KCNIP1: variants seen among roughly 807,000 people sequenced by gnomAD.
KCNIP1 encodes A-type potassium channel modulatory protein KCNIP1.
In KCNIP1, 18 loss-of-function variants were observed where a neutral mutation model predicts 33.0. That is an observed-to-expected ratio of 0.55 (90% CI 0.38 to 0.81). KCNIP1 has a LOEUF of 0.81. Ranked by LOEUF, KCNIP1 falls within the 30% of genes least tolerant of loss-of-function variation. The pLI, the probability that KCNIP1 is intolerant of heterozygous loss-of-function variation, is 0.00. For synonymous variants in KCNIP1, 93 were observed against 98.3 expected (o/e 0.95, Z 0.32); for missense variants, 238 against 271.6 (o/e 0.88, Z 0.87).
intron 1 of KCNIP1, among the ~76,000 whole-genome samples, chr5:170,368,204 A>G (rs1341950771): frequency 6.6e-6 from 1 of 152,178 alleles, no homozygotes; most frequent in Non-Finnish European, 1.5e-5. Flanking sequence ...ACACTGAAAC[A>G]TTAGTTTAGG....
At chr5:170,616,665 A>G (rs1452864520) in intron 1 of KCNIP1, among the ~76,000 whole-genome samples, 1 of 152,098 alleles carries the variant, frequency 6.6e-6, no homozygotes, top group Non-Finnish European at 1.5e-5. Flanking sequence ...CATCCTCCTT[A>G]GATACTCAAT....
At chr5:170,636,105 T>C (rs541749373) in intron 1 of KCNIP1, among the ~76,000 whole-genome samples, 1 of 152,352 alleles carries the variant, frequency 6.6e-6, no homozygotes, top group African/African-American at 2.4e-5. Context: ...TGGAGTCTCA[T>C]TTTATTAATT....
chr5:170,383,937 G>A, intron 1 of KCNIP1: 1 of 1,378,992 alleles, frequency 7.3e-7, no homozygotes, highest in Non-Finnish European at 9.9e-7. Context: ...TCCCCTGGGA[G>A]CCTCTAGAGG....
intron 5 of KCNIP1, among the ~76,000 whole-genome samples, chr5:170,731,245 G>A (rs950026429): frequency 2.6e-5 from 4 of 152,254 alleles, no homozygotes; most frequent in South Asian, 4.2e-4. Context: ...CTGATATGAC[G>A]CACTGAGAAG....
intron 1 of KCNIP1, chr5:170,378,736 G>T (rs550120060): frequency 1.2e-6 from 2 of 1,613,978 alleles, no homozygotes; most frequent in African/African-American, 1.3e-5. Context: ...GACAGGTACT[G>T]GTTGCTCTTC....
At chr5:170,493,049 C>G (rs1334161649) in intron 1 of KCNIP1, among the ~76,000 whole-genome samples, 1 of 152,232 alleles carries the variant, frequency 6.6e-6, no homozygotes, top group Non-Finnish European at 1.5e-5. Context: ...CCCCCGGCCC[C>G]TTTCTATGAC....
At chr5:170,499,560 A>G (rs1581245249), upstream of KCNIP1, among the ~76,000 whole-genome samples, 1 of 152,226 alleles carries the variant, frequency 6.6e-6, no homozygotes, top group East Asian at 1.9e-4. Context: ...TTTGAACCCA[A>G]TTCTAGCAGC....
intron 1 of KCNIP1, among the ~76,000 whole-genome samples, chr5:170,430,724 G>T (rs1204869838): frequency 6.6e-6 from 1 of 152,194 alleles, no homozygotes; most frequent in Non-Finnish European, 1.5e-5. Flanking sequence ...GGAAAGAGTT[G>T]TCATGGGCAT....
In KCNIP1 at chr5:170,456,701, T is replaced by TTTCTTTCTTTCTTTCTTTC. The variant is rs1756386571; in HGVS notation, c.88+102739_88+102740insCTTTCTTTCTTTCTTTCTT. On this transcript the variant is annotated intron_variant, in intron 1 of 7. Coordinates refer to the KCNIP1 transcript ENST00000377360. ...TTTCTTTCTTTCTCTCTCTCTCTCTTTTTCTTTCTTTCTTTCTTTCTTTCT... is the reference window on the plus strand; with the variant it reads ...TTTCTTTCTTTCTCTCTCTCTCTCTTTTCTTTCTTTCTTTCTTTCTTTCTTTCTTTCTTTCTTTCTTTCT... 2.6e-4 allele frequency among the ~76,000 whole-genome samples: 35 copies of TTTCTTTCTTTCTTTCTTTC among 135,774 alleles called. 1 individual carries two copies. Among genetic ancestry groups the TTTCTTTCTTTCTTTCTTTC allele is most frequent in the South Asian group, 1.4e-3 (6 of 4,264 alleles). 89.1% of individuals were successfully genotyped at this position (135,774 alleles called of 152,430 possible).
chr5:170,378,999 T>C, intron 1 of KCNIP1: 2 of 1,605,348 alleles, frequency 1.2e-6, no homozygotes, highest in Non-Finnish European at 1.7e-6. Context: ...AGAGCAGCTG[T>C]GGGCTTGGAA....
intron 1 of KCNIP1, among the ~76,000 whole-genome samples, chr5:170,542,928 A>G (rs146101545): frequency 2.4e-4 from 36 of 152,344 alleles, no homozygotes; most frequent in Admixed American, 2.0e-3. Context: ...ACTATAATTT[A>G]TAAATAACAG....
In KCNIP1 at chr5:170,718,738, G is replaced by A. The variant is rs1458609099; in HGVS notation, c.62-20G>A. On this transcript the variant is annotated intron_variant, in intron 1 of 7. Coordinates refer to ENST00000328939, the MANE Select transcript of KCNIP1 (RefSeq NM_014592.4). Reference sequence around the variant, plus strand: ...GACTCCCAAGCTCAACCATTCCAATGCCATCTCCTCTGGTTCCAGATAAGA... The same window carrying A: ...GACTCCCAAGCTCAACCATTCCAATACCATCTCCTCTGGTTCCAGATAAGA... 6.2e-7 allele frequency: 1 copy of A among 1,613,206 alleles called. No individual in the cohort carries two copies. Among genetic ancestry groups the A allele is most frequent in the Non-Finnish European group, 8.5e-7 (1 of 1,179,646 alleles).
At chr5:170,714,574 T>G (rs1353381838) in intron 1 of KCNIP1, among the ~76,000 whole-genome samples, 2 of 152,198 alleles carry the variant, frequency 1.3e-5, no homozygotes, top group African/African-American at 4.8e-5. Context: ...CATAAGATTA[T>G]AACAGAGCTA....
At position 170,617,539 on chromosome 5, in the gene KCNIP1, C is replaced by T. The variant is rs556368931; in HGVS notation, c.62-101219C>T. Among the ~76,000 whole-genome samples the T allele has an allele frequency of 1.1e-4, 17 of 152,270 alleles. No homozygotes were observed. In the South Asian group the frequency reaches 1.2e-3, roughly 11 times the overall value. ...ACAAATTACAGCAGACAGAGGGGGT[C>T]CAGGCCCTTCTAGAGATAGTGTTCA... On this transcript the variant is annotated intron_variant, in intron 1 of 7. Coordinates refer to ENST00000328939, the MANE Select transcript of KCNIP1 (RefSeq NM_014592.4).
At chr5:170,417,809 G>T (rs761359340) in intron 1 of KCNIP1, among the ~76,000 whole-genome samples, 1 of 152,096 alleles carries the variant, frequency 6.6e-6, no homozygotes, top group Non-Finnish European at 1.5e-5. Context: ...TACCTGATTT[G>T]CTCTCTCTTC....
intron 1 of KCNIP1, among the ~76,000 whole-genome samples, chr5:170,434,619 CG>C (rs1165625169): frequency 6.6e-6 from 1 of 151,966 alleles, no homozygotes; most frequent in Non-Finnish European, 1.5e-5. Flanking sequence ...GACTGGGGGA[CG>C]GGTCGGTGGG....
chr5:170,700,568 C>CA (rs1285801266), intron 1 of KCNIP1, among the ~76,000 whole-genome samples: 12 of 151,632 alleles, frequency 7.9e-5, no homozygotes, highest in Admixed American at 6.6e-4. Flanking sequence ...GACCCTGTCT[C>CA]AAAAAAAATA....
upstream of KCNIP1, among the ~76,000 whole-genome samples, chr5:170,499,394 G>T (rs1195058831): frequency 1.3e-5 from 2 of 152,220 alleles, no homozygotes; most frequent in Admixed American, 6.5e-5. Context: ...CCAGGCACCT[G>T]CTAAGGGCCC....
At chr5:170,556,579 A>C (rs1756856284) in intron 1 of KCNIP1, among the ~76,000 whole-genome samples, 1 of 152,156 alleles carries the variant, frequency 6.6e-6, no homozygotes, top group Admixed American at 6.5e-5. Flanking sequence ...CAGAGGAACA[A>C]GGACAGGGAT....
Sources: allele counts gnomAD v4.1 joint callset (sites outside exome capture counted in the v4.1 genomes callset), GRCh38; gene constraint gnomAD v4.1.1; transcripts MANE v1.5; gene names NCBI Gene and HGNC (gene_info 2026-07-23, HGNC 2026-07-21).